The following PKIG variants were observed in gnomAD, a reference collection of about 807,000 sequenced individuals.
PKIG encodes the protein cAMP-dependent protein kinase inhibitor gamma, also known as protein kinase (cAMP-dependent, catalytic) inhibitor gamma.
PKIG carries 1 observed loss-of-function variant against 6.8 expected under a neutral mutation model. The ratio of observed to expected loss-of-function variants is 0.15; its 90% CI spans 0.05 to 0.69. The LOEUF (loss-of-function observed/expected upper bound fraction) is 0.69, where lower values mean the gene tolerates loss of function less well. Among genes scored for constraint, PKIG ranks in the 30% least tolerant of loss-of-function variants. The pLI is 0.82. For synonymous variants in PKIG, 39 were observed against 43.0 expected (o/e 0.91, Z 0.36); for missense variants, 77 against 104.0 (o/e 0.74, Z 1.13).
At chr20:44,547,351 T>TA (rs1313410204) in intron 1 of PKIG, among the ~76,000 whole-genome samples, 2 of 152,332 alleles carry the variant, frequency 1.3e-5, no homozygotes, top group East Asian at 3.9e-4. Context: ...CTTCAACAAT[T>TA]ACCAGCATTT....
At chr20:44,616,886 T>C (rs2123489352) in intron 3 of PKIG, among the ~76,000 whole-genome samples, 1 of 152,180 alleles carries the variant, frequency 6.6e-6, no homozygotes, top group South Asian at 2.1e-4. Flanking sequence ...CGGAATAGGG[T>C]CCCGAGCTAC....
chr20:44,616,552 TCCTAACA>T (rs1310842566), intron 3 of PKIG, among the ~76,000 whole-genome samples: 1 of 152,220 alleles, frequency 6.6e-6, no homozygotes, highest in Non-Finnish European at 1.5e-5. Context: ...GCCCAGGCTC[TCCTAACA>T]CCTGTTTTCC....
chr20:44,537,796 G>C (rs751427799), intron 1 of PKIG, among the ~76,000 whole-genome samples: 4 of 148,736 alleles, frequency 2.7e-5, no homozygotes, highest in Non-Finnish European at 5.9e-5. Flanking sequence ...ATATTGGCCA[G>C]GCTGGTCTCA....
At chr20:44,549,689 G>T (rs1170215216) in intron 1 of PKIG, among the ~76,000 whole-genome samples, 2 of 152,134 alleles carry the variant, frequency 1.3e-5, no homozygotes, top group Admixed American at 6.6e-5. Flanking sequence ...AGCTGACATG[G>T]TATCACATGC....
intron 1 of PKIG, among the ~76,000 whole-genome samples, chr20:44,541,390 G>A (rs1212488462): frequency 1.3e-5 from 2 of 152,076 alleles, no homozygotes; most frequent in African/African-American, 4.8e-5. Context: ...TGGGACTCAA[G>A]TGATCCTCTC....
intron 3 of PKIG, 39 bp from the exon 4 acceptor site, chr20:44,618,246 T>C: frequency 7.7e-7 from 1 of 1,304,896 alleles, no homozygotes; most frequent in South Asian, 1.2e-5. Flanking sequence ...TTACTTTGTG[T>C]ATATGTGCCC....
At chr20:44,589,447 A>G (rs903327033) in intron 1 of PKIG, among the ~76,000 whole-genome samples, 3 of 152,236 alleles carry the variant, frequency 2.0e-5, no homozygotes, top group African/African-American at 7.2e-5. Context: ...CCACATCAGT[A>G]CAATGAAATC....
intron 1 of PKIG, among the ~76,000 whole-genome samples, chr20:44,547,607 T>A (rs2064627223): frequency 6.6e-6 from 1 of 152,214 alleles, no homozygotes; most frequent in South Asian, 2.1e-4. Context: ...CCACCACCAT[T>A]ACTATCACTC....
intron 1 of PKIG, among the ~76,000 whole-genome samples, chr20:44,562,874 C>T (rs2064779777): frequency 6.6e-6 from 1 of 152,170 alleles, no homozygotes; most frequent in Admixed American, 6.6e-5. Flanking sequence ...GTCTGGCCAA[C>T]ATGGCGAAAC....
At chr20:44,601,238 C>T (rs2065119119) in intron 2 of PKIG, among the ~76,000 whole-genome samples, 1 of 152,250 alleles carries the variant, frequency 6.6e-6, no homozygotes, top group Non-Finnish European at 1.5e-5. Context: ...CTGCCTGCAT[C>T]CAGGCCTGCT....
intron 3 of PKIG, among the ~76,000 whole-genome samples, chr20:44,617,689 T>C (rs244081): frequency 0.073 from 11,133 of 152,024 alleles, 624 homozygotes; most frequent in African/African-American, 0.16. Flanking sequence ...CCCCACAGAC[T>C]CTGATGCAGG....
At chr20:44,557,520 C>CAGGTGA (rs2064723920) in intron 1 of PKIG, among the ~76,000 whole-genome samples, 1 of 63,548 alleles carries the variant, frequency 1.6e-5, no homozygotes, top group African/African-American at 5.5e-5. Context: ...TGACAGGTGA[C>CAGGTGA]AAAAAAAAAA....
intron 2 of PKIG, among the ~76,000 whole-genome samples, chr20:44,612,563 C>T (rs4810427): frequency 5.9e-5 from 9 of 152,284 alleles, no homozygotes; most frequent in Admixed American, 5.2e-4. Context: ...GTATCCCCTT[C>T]GCAAATTAAC....
chr20:44,534,572 G>A (rs1353393382), intron 1 of PKIG, among the ~76,000 whole-genome samples: 2 of 151,440 alleles, frequency 1.3e-5, no homozygotes, highest in African/African-American at 2.4e-5. Context: ...GTGCTCAAGC[G>A]ATCCACCTGC....
intron 1 of PKIG, among the ~76,000 whole-genome samples, chr20:44,557,289 A>G (rs540745012): frequency 4.6e-5 from 7 of 152,090 alleles, no homozygotes; most frequent in African/African-American, 1.7e-4. Flanking sequence ...TTCGGGAGGC[A>G]AAGGAAGGTG....
intron 1 of PKIG, among the ~76,000 whole-genome samples, chr20:44,558,606 CT>C (rs2064738546): frequency 6.8e-6 from 1 of 146,524 alleles, no homozygotes; most frequent in African/African-American, 2.5e-5. Flanking sequence ...TTCTTTCTTT[CT>C]TTCTTTCTCA....
chr20:44,548,958 C>T (rs1479035957), intron 1 of PKIG, among the ~76,000 whole-genome samples: 1 of 151,618 alleles, frequency 6.6e-6, no homozygotes, highest in African/African-American at 2.4e-5. Context: ...TGAAATATCC[C>T]TGATGGTTTT....
intron 1 of PKIG, among the ~76,000 whole-genome samples, chr20:44,575,653 T>C (rs2064890712): frequency 6.6e-6 from 1 of 152,148 alleles, no homozygotes; most frequent in African/African-American, 2.4e-5. Flanking sequence ...GGAGCAGCAG[T>C]TAGACTGAGG....
At chr20:44,549,519 C>T (rs567242333) in intron 1 of PKIG, among the ~76,000 whole-genome samples, 4 of 152,302 alleles carry the variant, frequency 2.6e-5, no homozygotes, top group African/African-American at 9.6e-5. Context: ...AGATGTGTTA[C>T]TTCTAATTTA....
Sources: allele counts gnomAD v4.1 joint callset (sites outside exome capture counted in the v4.1 genomes callset), GRCh38; gene constraint gnomAD v4.1.1; transcripts MANE v1.5; gene names NCBI Gene and HGNC (gene_info 2026-07-23, HGNC 2026-07-21).